ENDOD1: variants seen among roughly 807,000 people sequenced by gnomAD.
ENDOD1 encodes the protein endonuclease domain-containing 1 protein.
In ENDOD1, 9 loss-of-function variants were observed where a neutral mutation model predicts 6.5. That is an observed-to-expected ratio of 1.39 (90% CI 0.84 to 2.43). The LOEUF is 2.43. Among genes scored for constraint, ENDOD1 ranks in the 30% most tolerant of loss-of-function variants. ENDOD1 has a pLI of 0.00. For missense variants in ENDOD1, 648 were observed against 635.5 expected, an observed-to-expected ratio of 1.02 and a Z score of -0.21; for synonymous variants, 255 against 255.2, an observed-to-expected ratio of 1.00 and a Z score of 0.01.
chr11:95,090,003 G>T lies in ENDOD1; in HGVS notation c.76G>T (p.Glu26Ter). ...GCTGCTGGAAGGCCGGCTCGTGGGC[G>T]AGGAGGAAGCCGGCTTTGGCGAATG... is the stretch of plus-strand genomic sequence containing the variant. ...AGLLEGRLVGEEEAGFGECDK... is the reference protein window; with the variant it reads ...AGLLEGRLVG Residue 26 changes from glutamate (E) to a stop codon, truncating the protein, a stop_gained, in exon 1 of 2, where the codon GAG (glutamate) becomes TAG (stop). Transcript: ENST00000278505. LOFTEE classifies it high-confidence loss of function. 1.3e-6 allele frequency: 2 copies of T among 1,570,592 alleles called. No individual in the cohort carries two copies. Among genetic ancestry groups the T allele is most frequent in the Non-Finnish European group, 8.6e-7 (1 of 1,160,520 alleles).
At chr11:95,091,062 T>C (rs1858926484) in intron 1 of ENDOD1, among the ~76,000 whole-genome samples, 2 of 152,164 alleles carry the variant, frequency 1.3e-5, no homozygotes, top group Admixed American at 1.3e-4. Flanking sequence ...TCCCGTCTGG[T>C]AAAGGTGACC....
chr11:95,105,647 A>G (rs1357058655), intron 1 of ENDOD1, among the ~76,000 whole-genome samples: 2 of 151,936 alleles, frequency 1.3e-5, no homozygotes, highest in African/African-American at 4.8e-5. Context: ...TTCAGCTCCT[A>G]CTTATAAGTG....
intron 1 of ENDOD1, among the ~76,000 whole-genome samples, chr11:95,115,392 TTG>T (rs1555112399): frequency 1.3e-5 from 2 of 151,658 alleles, no homozygotes; most frequent in Admixed American, 6.6e-5. Context: ...GTTTTTTTTT[TTG>T]TGTGTGTGTG....
rs782307693 is a variant in ENDOD1, at chr11:95,090,095, T to A, written c.168T>A (p.Cys56Ter). Residue 56 changes from cysteine to a stop codon, truncating the protein, a stop_gained, in exon 1 of 2, where the codon TGT (cysteine) becomes TGA (stop). Coordinates refer to ENST00000278505, the MANE Select transcript of ENDOD1 (RefSeq NM_015036.3). LOFTEE classifies it high-confidence loss of function. ...GLAADSHVKI[C>*]QRAEGAERFA... ...CGGCCGATTCCCACGTGAAGATCTG[T>A]CAGCGCGCGGAGGGTGCTGAGCGCT... 7 of 1,596,976 alleles carry A rather than the reference T, an allele frequency of 4.4e-6. No homozygotes were observed. Among genetic ancestry groups the A allele is most frequent in the Non-Finnish European group, 6.0e-6 (7 of 1,173,352 alleles).
In ENDOD1 at chr11:95,128,700, A is replaced by G. The variant is rs1401336250; in HGVS notation, c.624A>G (p.Arg208=). ...CAGGCACAGTGCCCTCAGACTACAG[A>G]GTTAAAGACAAAGTGGCAGTCCCTG... ...ILTGTVPSDY[R]VKDKVAVPEF... Residue 208 remains arginine, a synonymous_variant, in exon 2 of 2, where the codon AGA becomes AGG. Transcript: ENST00000278505. 6.2e-7 allele frequency: 1 copy of G among 1,614,166 alleles called. No homozygotes were observed. Among genetic ancestry groups the G allele is most frequent in the Admixed American group, 1.7e-5 (1 of 60,024 alleles).
At position 95,102,559 on chromosome 11, in the gene ENDOD1, C is replaced by G. The variant is rs550780739; in HGVS notation, c.300+12332C>G. On this transcript the variant is annotated intron_variant, in intron 1 of 1. Coordinates refer to ENST00000278505, the MANE Select transcript of ENDOD1 (RefSeq NM_015036.3). ...TGGTGGCACATGCCTGTAATCCCAG[C>G]TACTTGGGAGGCTGAGGTAGGAGAA... Among the ~76,000 whole-genome samples the G allele has an allele frequency of 2.0e-5, 3 of 152,200 alleles. No homozygotes were observed. The South Asian group carries it at 6.2e-4, about 32-fold the overall frequency.
chr11:95,122,105 C>A (rs1009012335), intron 1 of ENDOD1, among the ~76,000 whole-genome samples: 8 of 152,172 alleles, frequency 5.3e-5, no homozygotes, highest in Non-Finnish European at 1.2e-4. Flanking sequence ...ATAACCAGAT[C>A]ATTAAACCAT....
At chr11:95,119,709 G>A (rs1859244426) in intron 1 of ENDOD1, among the ~76,000 whole-genome samples, 1 of 152,222 alleles carries the variant, frequency 6.6e-6, no homozygotes, top group African/African-American at 2.4e-5. Flanking sequence ...TCCACAATCA[G>A]CAGGTGGCAA....
intron 1 of ENDOD1, among the ~76,000 whole-genome samples, chr11:95,126,798 A>G (rs1293500972): frequency 1.3e-5 from 2 of 152,032 alleles, no homozygotes; most frequent in Non-Finnish European, 2.9e-5. Context: ...CTGCCACCTT[A>G]GCCTCCTGAG....
intron 1 of ENDOD1, among the ~76,000 whole-genome samples, chr11:95,097,740 C>T (rs1275942800): frequency 6.6e-6 from 1 of 152,146 alleles, no homozygotes; most frequent in Admixed American, 6.5e-5. Context: ...GATGATAGCA[C>T]TGTATATTCT....
At chr11:95,107,295 C>T (rs1351293807) in intron 1 of ENDOD1, among the ~76,000 whole-genome samples, 5 of 150,132 alleles carry the variant, frequency 3.3e-5, no homozygotes, top group South Asian at 4.2e-4. Flanking sequence ...GATCGGGACA[C>T]TACCCTCCAG....
chr11:95,122,537 G>T (rs1332126291), intron 1 of ENDOD1, among the ~76,000 whole-genome samples: 1 of 149,308 alleles, frequency 6.7e-6, no homozygotes, highest in Non-Finnish European at 1.5e-5. Flanking sequence ...ACCATGCCTG[G>T]CCTATTACTA....
At chr11:95,099,790 C>T (rs2134163035) in intron 1 of ENDOD1, among the ~76,000 whole-genome samples, 1 of 152,246 alleles carries the variant, frequency 6.6e-6, no homozygotes, top group Non-Finnish European at 1.5e-5. Flanking sequence ...ATGTGCCTTC[C>T]CTCTATGTTT....
Position 95,089,851 on chromosome 11 carries a change from G to T in ENDOD1, c.-77G>T, listed in dbSNP as rs1269031589. The T allele has an allele frequency of 2.4e-6, 3 of 1,251,936 alleles. No individual in the cohort carries two copies. Among genetic ancestry groups the T allele is most frequent in the Non-Finnish European group, 3.0e-6 (3 of 996,704 alleles). 77.6% of individuals were successfully genotyped at this position (1,251,936 alleles called of 1,614,324 possible). A position where few individuals can be genotyped will look rare whatever the true frequency, so the allele number is the denominator to read the frequency against. ...TCCCTACCCTGCTCGGCTGCGTAGT[G>T]CGCTCCCCGCCCAGCCTGCAGAGCT... On this transcript the variant is annotated 5_prime_UTR_variant, in exon 1 of 2. Transcript: ENST00000278505.
At chr11:95,100,137 G>A (rs1416703429) in intron 1 of ENDOD1, among the ~76,000 whole-genome samples, 1 of 152,156 alleles carries the variant, frequency 6.6e-6, no homozygotes, top group Non-Finnish European at 1.5e-5. Context: ...GGTGGTTGAT[G>A]ACCTTACTTT....
At chr11:95,123,530 T>C (rs1859283034) in intron 1 of ENDOD1, among the ~76,000 whole-genome samples, 1 of 146,232 alleles carries the variant, frequency 6.8e-6, no homozygotes, top group Admixed American at 7.0e-5. Flanking sequence ...TCAGTAAAAG[T>C]GTTGAAACAT....
chr11:95,115,872 A>G (rs991623569), intron 1 of ENDOD1, among the ~76,000 whole-genome samples: 22 of 152,112 alleles, frequency 1.4e-4, no homozygotes, highest in African/African-American at 5.1e-4. Flanking sequence ...TTTTTAATGT[A>G]TTATTGAATT....
intron 1 of ENDOD1, among the ~76,000 whole-genome samples, chr11:95,112,605 T>C (rs555396006): frequency 1.3e-5 from 2 of 152,364 alleles, no homozygotes; most frequent in African/African-American, 4.8e-5. Context: ...TGTTTCTGCC[T>C]TAAAGCCTTT....
intron 1 of ENDOD1, among the ~76,000 whole-genome samples, chr11:95,108,387 G>A (rs1859112710): frequency 6.6e-6 from 1 of 152,034 alleles, no homozygotes; most frequent in Non-Finnish European, 1.5e-5. Context: ...GAGTGGTGCT[G>A]GGAGCCCAGA....
Sources: allele counts gnomAD v4.1 joint callset (sites outside exome capture counted in the v4.1 genomes callset), GRCh38; gene constraint gnomAD v4.1.1; transcripts MANE v1.5; gene names NCBI Gene and HGNC (gene_info 2026-07-23, HGNC 2026-07-21).